LINGO2: variants seen among roughly 807,000 people sequenced by gnomAD.
The protein encoded by LINGO2 is leucine-rich repeat and immunoglobulin-like domain-containing nogo receptor-interacting protein 2.
In LINGO2, 14 loss-of-function variants were observed where a neutral mutation model predicts 30.6. The ratio of observed to expected loss-of-function variants is 0.46; its 90% CI spans 0.30 to 0.72. The LOEUF is 0.72. Ranked by LOEUF, LINGO2 falls within the 30% of genes least tolerant of loss-of-function variation. The pLI is 0.07. For synonymous variants in LINGO2, 317 were observed against 288.5 expected (o/e 1.10, Z -1.00); for missense variants, 729 against 751.7 (o/e 0.97, Z 0.35).
the LINGO2 span, among the ~76,000 whole-genome samples, chr9:28,880,781 A>G: frequency 6.6e-6 from 1 of 152,134 alleles, no homozygotes; most frequent in Non-Finnish European, 1.5e-5. Flanking sequence ...CAATTCTAAG[A>G]TAGGAGAAAA....
Position 28,031,634 on chromosome 9 carries a change from A to G in LINGO2, c.-86-19229T>C, listed in dbSNP as rs554810110. On this transcript the variant is annotated intron_variant, in intron 4 of 5. Transcript: ENST00000379992. ...GACAGTCTGGTGTCTGCCACACAACATTGGTTTTGGGATGAGATTAGTTGA... is the reference window on the plus strand; with the variant it reads ...GACAGTCTGGTGTCTGCCACACAACGTTGGTTTTGGGATGAGATTAGTTGA... Among the ~76,000 whole-genome samples the G allele has an allele frequency of 2.6e-5, 4 of 152,210 alleles. No homozygotes were observed. In the South Asian group the frequency reaches 8.3e-4, roughly 32 times the overall value.
At chr9:28,005,139 TGACTCTCA>T (rs1224568529) in intron 5 of LINGO2, among the ~76,000 whole-genome samples, 1 of 152,210 alleles carries the variant, frequency 6.6e-6, no homozygotes, top group Non-Finnish European at 1.5e-5. Flanking sequence ...CAGTAACACA[TGACTCTCA>T]ACTGGATAAA....
At chr9:28,748,685 C>T in the LINGO2 span, among the ~76,000 whole-genome samples, 2 of 151,808 alleles carry the variant, frequency 1.3e-5, no homozygotes, top group African/African-American at 4.8e-5. Context: ...TGTTGTTGTT[C>T]TTGTTCTTAA....
chr9:29,090,113 G>A, the LINGO2 span, among the ~76,000 whole-genome samples: 2 of 151,920 alleles, frequency 1.3e-5, no homozygotes, highest in Non-Finnish European at 2.9e-5. Flanking sequence ...GGAGGTCTTT[G>A]TTTATTGAAT....
At chr9:29,156,012 G>C in the LINGO2 span, among the ~76,000 whole-genome samples, 31,019 of 151,988 alleles carry the variant, frequency 0.2, 3,430 homozygotes, top group East Asian at 0.37. Context: ...TAACATTCCA[G>C]GAGAAGTGAT....
chr9:29,183,334 T>A, the LINGO2 span, among the ~76,000 whole-genome samples: 1 of 152,172 alleles, frequency 6.6e-6, no homozygotes, highest in African/African-American at 2.4e-5. Flanking sequence ...CCAACATCAC[T>A]CTGATCACAT....
chr9:28,245,144 G>T (rs1338027587), intron 4 of LINGO2, among the ~76,000 whole-genome samples: 1 of 152,154 alleles, frequency 6.6e-6, no homozygotes, highest in Non-Finnish European at 1.5e-5. Context: ...TGCAAGACTG[G>T]TTCAACATAA....
At chr9:28,423,338 A>G (rs534026813) in intron 2 of LINGO2, among the ~76,000 whole-genome samples, 8 of 152,212 alleles carry the variant, frequency 5.3e-5, no homozygotes, top group Non-Finnish European at 1.2e-4. Context: ...TCTAGGTCTA[A>G]GAAATAAGGG....
At chr9:29,053,158 T>A in the LINGO2 span, among the ~76,000 whole-genome samples, 1 of 152,024 alleles carries the variant, frequency 6.6e-6, no homozygotes, top group East Asian at 1.9e-4. Context: ...ATAAAGTACA[T>A]ATGGAAATCT....
chr9:28,910,574 T>C, the LINGO2 span, among the ~76,000 whole-genome samples: 1 of 151,960 alleles, frequency 6.6e-6, no homozygotes, highest in East Asian at 1.9e-4. Context: ...GCTGTTCTGG[T>C]GATAGAGTTC....
intron 2 of LINGO2, among the ~76,000 whole-genome samples, chr9:28,422,585 T>C (rs1312117558): frequency 1.3e-5 from 2 of 152,054 alleles, no homozygotes; most frequent in African/African-American, 4.8e-5. Flanking sequence ...GGGTGTAAAA[T>C]GGTACAGCTG....
At chr9:28,855,551 T>C in the LINGO2 span, among the ~76,000 whole-genome samples, 1 of 152,002 alleles carries the variant, frequency 6.6e-6, no homozygotes, top group African/African-American at 2.4e-5. Context: ...ATGTATGCTA[T>C]TCATTTTTAT....
At chr9:28,683,921 T>C in the LINGO2 span, among the ~76,000 whole-genome samples, 2 of 152,164 alleles carry the variant, frequency 1.3e-5, no homozygotes, top group Admixed American at 1.3e-4. Context: ...TGGAGTCAAA[T>C]AACAGACTTG....
chr9:27,942,171 T>G, the LINGO2 span: 1 of 152,222 alleles, frequency 6.6e-6, no homozygotes, highest in African/African-American at 2.4e-5. Flanking sequence ...TTTATGTAAC[T>G]GGATAGCCTG....
the LINGO2 span, among the ~76,000 whole-genome samples, chr9:29,111,837 G>A: frequency 3.8e-5 from 3 of 78,882 alleles, no homozygotes; most frequent in African/African-American, 1.5e-4. Flanking sequence ...ATATATATAT[G>A]TGTGTGTAGG....
intron 1 of LINGO2, among the ~76,000 whole-genome samples, chr9:28,542,950 A>G (rs1365385940): frequency 1.3e-5 from 2 of 152,136 alleles, no homozygotes; most frequent in African/African-American, 4.8e-5. Context: ...AGAAAGGAGC[A>G]GAACACGACG....
At chr9:28,011,133 G>A (rs376470771) in intron 5 of LINGO2, among the ~76,000 whole-genome samples, 4 of 152,184 alleles carry the variant, frequency 2.6e-5, no homozygotes, top group South Asian at 4.1e-4. Flanking sequence ...TGTGAGTAGA[G>A]AAGGGTTCAA....
intron 4 of LINGO2, among the ~76,000 whole-genome samples, chr9:28,069,521 A>G (rs1291927686): frequency 1.3e-5 from 2 of 152,156 alleles, no homozygotes; most frequent in East Asian, 3.9e-4. Flanking sequence ...CTGATAATTT[A>G]AGCAGGACTC....
the LINGO2 span, among the ~76,000 whole-genome samples, chr9:28,831,586 T>C: frequency 1.3e-5 from 2 of 152,010 alleles, no homozygotes; most frequent in Non-Finnish European, 2.9e-5. Flanking sequence ...AAGGAAGTGA[T>C]AAATGTGGAT....
Sources: gnomAD v4.1 joint callset for allele counts (sites outside exome capture counted in the v4.1 genomes callset) on GRCh38, gnomAD v4.1.1 for gene constraint, MANE v1.5 for transcripts, NCBI Gene and HGNC (gene_info 2026-07-23, HGNC 2026-07-21) for gene names.